PTPRF: variants seen among roughly 807,000 people sequenced by gnomAD.
PTPRF encodes protein tyrosine phosphatase receptor type F.
Under a neutral mutation model 201.8 loss-of-function variants are expected in PTPRF, and 59 were observed. The ratio of observed to expected loss-of-function variants is 0.29; its 90% confidence interval spans 0.24 to 0.36. PTPRF has a LOEUF of 0.36. PTPRF is among the 10% of genes least tolerant of loss of function. The pLI, the probability that PTPRF is intolerant of heterozygous loss-of-function variation, is 1.00. For synonymous variants in PTPRF, 1,088 were observed against 1,089.7 expected (o/e 1.00, Z 0.03); for missense variants, 2,132 against 2,690.5 (o/e 0.79, Z 4.59).
intron 1 of PTPRF, among the ~76,000 whole-genome samples, chr1:43,535,646 C>T (rs762720131): frequency 3.3e-5 from 5 of 152,172 alleles, no homozygotes; most frequent in Admixed American, 1.3e-4. Flanking sequence ...TCAGGCCTGG[C>T]AGATGATGGG....
intron 5 of PTPRF, among the ~76,000 whole-genome samples, chr1:43,562,401 C>T (rs1409541644): frequency 6.6e-6 from 1 of 152,044 alleles, no homozygotes; most frequent in African/African-American, 2.4e-5. Flanking sequence ...AGCCACCGCG[C>T]CTGGCCCTGA....
chr1:43,542,907 G>A lies in PTPRF; in HGVS notation c.-45-2124G>A, dbSNP rs1644443227. On this transcript the variant is annotated intron_variant, in intron 2 of 33. Transcript: ENST00000359947. The surrounding 1 kb of genome is among the most constrained non-coding windows in gnomAD (Gnocchi z 5.2). ...GCTGTGCATTTTATTTTCATAGCAG[G>A]GAGATATGCTCATGCTGGGGGCCTA... is the stretch of plus-strand genomic sequence containing the variant. Among the ~76,000 whole-genome samples, 1 of 152,140 alleles carries A rather than the reference G, an allele frequency of 6.6e-6. No individual in the cohort carries two copies. Among genetic ancestry groups the A allele is most frequent in the South Asian group, 2.1e-4 (1 of 4,826 alleles).
intron 13 of PTPRF, among the ~76,000 whole-genome samples, chr1:43,601,616 T>A (rs1653761268): frequency 6.6e-6 from 1 of 152,206 alleles, no homozygotes; most frequent in South Asian, 2.1e-4. Context: ...GTCAATTCCA[T>A]GGCAACAAGC....
rs760559358 is a variant in PTPRF at position 43,618,780 on chromosome 1, C to T, written c.4491+31C>T. ...GCCTTTCCCCAGTGCATATCTCTTA[C>T]CCAGACACTGTAAGGACAGTGGCCT... On this transcript the variant is annotated intron_variant, in intron 26 of 33. Transcript: ENST00000359947. 8.8e-6 allele frequency: 14 copies of T among 1,584,978 alleles called. No individual in the cohort carries two copies. In the Admixed American group the frequency reaches 2.2e-4, roughly 25 times the overall value.
intron 2 of PTPRF, among the ~76,000 whole-genome samples, chr1:43,539,669 G>A (rs1644240771): frequency 6.6e-6 from 1 of 152,220 alleles, no homozygotes; most frequent in Admixed American, 6.5e-5. Context: ...GTCAGATGGG[G>A]AGGGTGGGTG....
Position 43,574,779 on chromosome 1 carries a change from C to G in PTPRF, c.569-4031C>G, listed in dbSNP as rs547397690. On this transcript the variant is annotated intron_variant, in intron 6 of 33. Coordinates refer to ENST00000359947, the MANE Select transcript of PTPRF (RefSeq NM_002840.5). ...CCAGCCTTTGCCCTCTCCCCTGCCT[C>G]TGCATCTGCAGGACTGGCAGCCTCA... is the stretch of plus-strand genomic sequence containing the variant. Among the ~76,000 whole-genome samples, 6 of 152,356 alleles carry G rather than the reference C, an allele frequency of 3.9e-5. No homozygotes were observed. In the South Asian group the frequency reaches 1.2e-3, roughly 32 times the overall value.
chr1:43,570,770 C>T (rs1570113713), intron 6 of PTPRF, among the ~76,000 whole-genome samples: 1 of 152,232 alleles, frequency 6.6e-6, no homozygotes, highest in South Asian at 2.1e-4. Context: ...CAGCCACGGC[C>T]GCCTGAGACA....
chr1:43,595,080 C>T (rs1033022520), intron 11 of PTPRF, among the ~76,000 whole-genome samples: 6 of 152,138 alleles, frequency 3.9e-5, no homozygotes, highest in Non-Finnish European at 7.3e-5. Flanking sequence ...TTCATGAGGC[C>T]TGTGTGGGTG....
chr1:43,612,940 T>G, intron 22 of PTPRF: 2 of 722,898 alleles, frequency 2.8e-6, no homozygotes, highest in Non-Finnish European at 4.2e-6. Flanking sequence ...CCAATCCCAC[T>G]GTCTCCTAAC....
upstream of PTPRF, among the ~76,000 whole-genome samples, chr1:43,527,525 G>T (rs61268749): frequency 0.011 from 1,646 of 152,292 alleles, 26 homozygotes; most frequent in African/African-American, 0.038. Flanking sequence ...GCCCTGCCTC[G>T]ACAAACACTT....
At chr1:43,602,244 A>C in intron 14 of PTPRF, 147 bp downstream of exon 14, 1 of 959,604 alleles carries the variant, frequency 1.0e-6, no homozygotes, top group Non-Finnish European at 1.6e-6. Flanking sequence ...GTTTAGACAC[A>C]AGCACTGAGC....
chr1:43,592,440 C>T lies in PTPRF; in HGVS notation c.1669-17C>T, dbSNP rs1317611033. On this transcript the variant is annotated splice_polypyrimidine_tract_variant and intron_variant, in intron 10 of 33. Transcript: ENST00000359947. The stretch of plus-strand genomic sequence containing the variant: ...TTGAGCTCAGAGCTGTCAGTGAGTG[C>T]TCCCTGCTCTTCCCAGCACAAGGTG... 6.3e-6 allele frequency: 10 copies of T among 1,594,330 alleles called. 1 individual carries two copies. In the South Asian group the frequency reaches 1.0e-4, roughly 16 times the overall value.
chr1:43,597,791 C>T lies in PTPRF; in HGVS notation c.1857C>T (p.Gly619=). The T allele has an allele frequency of 6.3e-7, 1 of 1,580,364 alleles. No homozygotes were observed. The highest frequency in any genetic ancestry group is 8.6e-7 in the Non-Finnish European group (1 of 1,163,770). Residue 619 remains glycine, a synonymous_variant, in exon 12 of 34, where the codon GGC becomes GGT. Coordinates refer to ENST00000359947, the MANE Select transcript of PTPRF (RefSeq NM_002840.5). ...AGAAGGTGATGTGTGTGAGCATGGG[C>T]TCCACCACGGTCCGGGTAAGTTGGG... The part of the protein sequence containing the change: ...PPQKVMCVSM[G]STTVRVSWVP...
At chr1:43,617,624 C>T in intron 24 of PTPRF, 56 bp downstream of exon 24, 2 of 1,609,274 alleles carry the variant, frequency 1.2e-6, no homozygotes, top group Non-Finnish European at 1.7e-6. Context: ...CTAGCTAGGG[C>T]AACATGTCAT....
rs543808508 is a variant in PTPRF, at chr1:43,576,250, C to T, written c.569-2560C>T. ...GCTCCTACTGTGAAACTTAGCCTGT[C>T]CCCCGGCTTCCCTAGACAGAAGAGC... On this transcript the variant is annotated intron_variant, in intron 6 of 33. Coordinates refer to ENST00000359947, the MANE Select transcript of PTPRF (RefSeq NM_002840.5). 2.6e-5 allele frequency among the ~76,000 whole-genome samples: 4 copies of T among 152,366 alleles called. No individual in the cohort carries two copies. In the East Asian group the frequency reaches 5.8e-4, roughly 22 times the overall value.
chr1:43,608,601 C>T (rs1248152276), intron 21 of PTPRF, among the ~76,000 whole-genome samples: 2 of 152,190 alleles, frequency 1.3e-5, no homozygotes, highest in Non-Finnish European at 2.9e-5. Context: ...CATTGCTTTC[C>T]CTGAGCGTAC....
chr1:43,622,600 A>G lies in PTPRF; in HGVS notation c.*597A>G, dbSNP rs1184123749. The stretch of plus-strand genomic sequence containing the variant: ...GCAGTGCTGATCCGGCTGCTCCTCC[A>G]GCCCTTCAGACGAGATCCTGTTTCA... On this transcript the variant is annotated 3_prime_UTR_variant, in exon 34 of 34. Transcript: ENST00000359947. The G allele has an allele frequency of 1.3e-5, 2 of 152,536 alleles. No homozygotes were observed. Among genetic ancestry groups the G allele is most frequent in the African/African-American group, 4.8e-5 (2 of 41,466 alleles). The allele number at this position is 152,536 out of a possible 1,614,324, so 9.4% of individuals were successfully genotyped here.
chr1:43,577,922 A>G (rs1238869416), intron 6 of PTPRF, among the ~76,000 whole-genome samples: 3 of 151,998 alleles, frequency 2.0e-5, no homozygotes, highest in Non-Finnish European at 2.9e-5. Context: ...AGTTTTTTCA[A>G]GTGTTTATTG....
chr1:43,562,507 G>A (rs770797058), intron 5 of PTPRF, among the ~76,000 whole-genome samples: 10 of 152,012 alleles, frequency 6.6e-5, no homozygotes, highest in Non-Finnish European at 1.3e-4. Flanking sequence ...CTGGGTTGAA[G>A]CAATTCTCAT....
Sources: allele counts gnomAD v4.1 joint callset (sites outside exome capture counted in the v4.1 genomes callset), GRCh38; gene constraint gnomAD v4.1.1; non-coding constraint Gnocchi (gnomAD v3.1); transcripts MANE v1.5; gene names NCBI Gene and HGNC (gene_info 2026-07-23, HGNC 2026-07-21).